Variants in LRBA observed in about 807,000 individuals in gnomAD.
LRBA encodes lipopolysaccharide-responsive and beige-like anchor protein.
A neutral mutation model predicts 330.0 loss-of-function variants in LRBA; 176 were observed. That is an observed-to-expected ratio of 0.53 (90% CI 0.47 to 0.60). The LOEUF (loss-of-function observed/expected upper bound fraction) is 0.60. LRBA is among the 20% of genes least tolerant of loss of function. LRBA has a pLI of 0.00. For synonymous variants in LRBA, 1,230 were observed against 1,193.0 expected (o/e 1.03, Z -0.64); for missense variants, 3,259 against 3,444.8 (o/e 0.95, Z 1.35).
chr4:150,498,379 T>G (rs2152114430), intron 40 of LRBA, among the ~76,000 whole-genome samples: 1 of 152,286 alleles, frequency 6.6e-6, no homozygotes, highest in Non-Finnish European at 1.5e-5. Context: ...ATATCAATCT[T>G]AATGAGTCAA....
At chr4:150,462,031 A>G (rs1380593879) in intron 44 of LRBA, among the ~76,000 whole-genome samples, 1 of 151,848 alleles carries the variant, frequency 6.6e-6, no homozygotes. Context: ...ATGGTATGAC[A>G]TTTTGTAAAT....
intron 42 of LRBA, among the ~76,000 whole-genome samples, chr4:150,472,590 G>A (rs1278661224): frequency 6.6e-6 from 1 of 152,058 alleles, no homozygotes; most frequent in Admixed American, 6.6e-5. Context: ...AAAATCAAGT[G>A]TAGAACATTT....
intron 47 of LRBA, among the ~76,000 whole-genome samples, chr4:150,413,855 T>C (rs942184358): frequency 1.3e-5 from 2 of 152,206 alleles, no homozygotes; most frequent in Non-Finnish European, 2.9e-5. Flanking sequence ...CTATTCACTT[T>C]TGTGTATCCC....
At chr4:151,005,578 CAG>C (rs1382406115) in intron 2 of LRBA, among the ~76,000 whole-genome samples, 6 of 118,790 alleles carry the variant, frequency 5.1e-5, no homozygotes, top group African/African-American at 7.8e-5. Context: ...TTTTTGGAGA[CAG>C]AGTCTTGCTC....
At chr4:150,546,653 T>C (rs903246753) in intron 40 of LRBA, among the ~76,000 whole-genome samples, 14 of 152,216 alleles carry the variant, frequency 9.2e-5, no homozygotes, top group Non-Finnish European at 2.9e-5. Flanking sequence ...CATTAAACAT[T>C]TAGCCTTACC....
intron 36 of LRBA, among the ~76,000 whole-genome samples, chr4:150,725,950 T>C (rs539995647): frequency 6.6e-6 from 1 of 152,182 alleles, no homozygotes; most frequent in Non-Finnish European, 1.5e-5. Flanking sequence ...TATAAGATTG[T>C]GTTGGCAAGC....
At chr4:150,674,721 C>A (rs1222568666) in intron 37 of LRBA, among the ~76,000 whole-genome samples, 1 of 150,370 alleles carries the variant, frequency 6.7e-6, no homozygotes. Flanking sequence ...GACAAAAAAA[C>A]TTAATTAGTC....
At chr4:150,987,034 C>G (rs1268856898) in intron 2 of LRBA, among the ~76,000 whole-genome samples, 1 of 152,228 alleles carries the variant, frequency 6.6e-6, no homozygotes, top group Non-Finnish European at 1.5e-5. Context: ...CAAAATTTGA[C>G]ATGTCTCAGG....
rs150187798 is a variant in LRBA, at chr4:150,889,101, C to G, written c.2165+3951G>C. Among the ~76,000 whole-genome samples, 43 of 152,222 alleles carry G rather than the reference C, an allele frequency of 2.8e-4. No homozygotes were observed. The East Asian group carries it at 8.3e-3, about 29-fold the overall frequency. ...AATTTCCTTCATCCCTGGGGCAGGT[C>G]AGACTTTGTTTTATTAAGGCCTTCA... On this transcript the variant is annotated intron_variant, in intron 17 of 56. Coordinates refer to ENST00000651943, the MANE Select transcript of LRBA (RefSeq NM_001364905.1).
intron 40 of LRBA, among the ~76,000 whole-genome samples, chr4:150,496,655 G>C (rs4380502): frequency 0.39 from 58,980 of 151,756 alleles, 12,474 homozygotes; most frequent in South Asian, 0.5. Flanking sequence ...CTATTCCTAA[G>C]GTTTAAAACT....
chr4:150,908,673 G>A lies in LRBA; in HGVS notation c.1346C>T (p.Ala449Val), dbSNP rs773602226. Residue 449 changes from alanine to valine, a missense_variant, in exon 10 of 57, where the codon GCA (alanine) becomes GTA (valine). Ala to Val is a moderately conservative substitution (Grantham distance 64). Transcript: ENST00000651943. ...CACAGTTAGTACCTGGAGCATGAGT[G>A]CATGTGGTGAATGAACAAAAATTGA... ...NPSIFVHSPHALMLQDVKAVL... is the reference protein window; with the variant it reads ...NPSIFVHSPHVLMLQDVKAVL... 6.2e-7 allele frequency: 1 copy of A among 1,612,980 alleles called. No homozygotes were observed. The highest frequency in any genetic ancestry group is 1.3e-5 in the African/African-American group (1 of 74,880).
At chr4:150,427,610 G>A (rs992724684) in intron 46 of LRBA, among the ~76,000 whole-genome samples, 11 of 151,962 alleles carry the variant, frequency 7.2e-5, no homozygotes, top group Non-Finnish European at 1.5e-4. Context: ...AAGGAGAAAG[G>A]AATGAGCACT....
chr4:150,761,847 C>A lies in LRBA; in HGVS notation c.5581G>T (p.Glu1861Ter). 6.6e-7 allele frequency: 1 copy of A among 1,510,444 alleles called. No individual in the cohort carries two copies. The highest frequency in any genetic ancestry group is 8.8e-7 in the Non-Finnish European group (1 of 1,130,114). The allele number at this position is 1,510,444 out of a possible 1,614,324, so 93.6% of individuals were successfully genotyped here. A position where few individuals can be genotyped will look rare whatever the true frequency, so the allele number is the denominator to read the frequency against. The change falls in exon 35 of 57, where the codon GAG becomes TAG. Residue 1861 changes from glutamate (E) to a stop codon, truncating the protein, a stop_gained and splice_region_variant. Coordinates refer to ENST00000651943, the MANE Select transcript of LRBA (RefSeq NM_001364905.1). LOFTEE classifies it high-confidence loss of function. ...VELVMLLCSQ[E>*]WQNSIQKNAG... The stretch of plus-strand genomic sequence containing the variant: ...TTCTTCTGAATAGAATTTTGCCACT[C>A]CTATAAAAAAAAAAGCAAAAATAGC...
intron 2 of LRBA, among the ~76,000 whole-genome samples, chr4:150,963,231 G>A (rs1428821214): frequency 6.8e-6 from 1 of 148,052 alleles, no homozygotes; most frequent in Non-Finnish European, 1.5e-5. Flanking sequence ...TCCCTCTGAT[G>A]CCGAGCCGAG....
At chr4:150,991,608 A>T (rs1401149096) in intron 2 of LRBA, among the ~76,000 whole-genome samples, 2 of 152,228 alleles carry the variant, frequency 1.3e-5, no homozygotes, top group African/African-American at 4.8e-5. Flanking sequence ...ATTCTGGAAA[A>T]CAAAGTGACA....
chr4:150,877,257 C>CAAAAAAAA (rs796849728), intron 17 of LRBA, among the ~76,000 whole-genome samples: 1 of 81,780 alleles, frequency 1.2e-5, no homozygotes. Flanking sequence ...GACTCCGTAT[C>CAAAAAAAA]AAAAAAAAAA....
rs533433084 is a variant in LRBA, at chr4:150,639,457, C to A, written c.5922-40326G>T. On this transcript the variant is annotated intron_variant, in intron 37 of 56. Coordinates refer to ENST00000651943, the MANE Select transcript of LRBA (RefSeq NM_001364905.1). ...TAAATTAATCTATCTAAAAATAATG[C>A]ACTTTCTACCCCACCCGTGGTACTC... 5.4e-5 allele frequency among the ~76,000 whole-genome samples: 8 copies of A among 147,104 alleles called. No homozygotes were observed. In the South Asian group the frequency reaches 1.7e-3, roughly 32 times the overall value.
At position 150,961,958 on chromosome 4, in the gene LRBA, G is replaced by A. The variant is rs1355766689; in HGVS notation, c.217-32893C>T. 2.0e-5 allele frequency among the ~76,000 whole-genome samples: 3 copies of A among 149,192 alleles called. No homozygotes were observed. In the South Asian group the frequency reaches 6.2e-4, roughly 31 times the overall value. On this transcript the variant is annotated intron_variant, in intron 2 of 56. Coordinates refer to ENST00000651943, the MANE Select transcript of LRBA (RefSeq NM_001364905.1). ...TGTATTTTTATTTGAGGAAACTGAG[G>A]CATAGACATATGAAGTAACTTGCCC...
At chr4:150,308,732 T>C (rs1003106673) in intron 52 of LRBA, among the ~76,000 whole-genome samples, 5 of 152,160 alleles carry the variant, frequency 3.3e-5, no homozygotes, top group Non-Finnish European at 5.9e-5. Flanking sequence ...TTGTCTTCGT[T>C]TTCTAAAAAT....
Sources: gnomAD v4.1 joint callset for allele counts (sites outside exome capture counted in the v4.1 genomes callset) on GRCh38, gnomAD v4.1.1 for gene constraint, MANE v1.5 for transcripts, NCBI Gene and HGNC (gene_info 2026-07-23, HGNC 2026-07-21) for gene names.